Variants in BBOF1 observed in about 807,000 individuals in gnomAD.
The protein encoded by BBOF1 is basal body-orientation factor 1.
In BBOF1, 62 loss-of-function variants were observed where a neutral mutation model predicts 68.0. The observed-to-expected ratio is 0.91, with a 90% CI of 0.74 to 1.13. The LOEUF (loss-of-function observed/expected upper bound fraction) is 1.13, where lower values mean the gene tolerates loss of function less well. Ranked by LOEUF, BBOF1 falls within the 50% of genes most tolerant of loss-of-function variation. The pLI is 0.00. For synonymous variants in BBOF1, 208 were observed against 198.8 expected (o/e 1.05, Z -0.39); for missense variants, 534 against 600.1 (o/e 0.89, Z 1.15).
At chr14:74,066,683 T>A, downstream of BBOF1, 17 of 1,610,492 alleles carry the variant, frequency 1.1e-5, no homozygotes, top group Non-Finnish European at 1.4e-5. Flanking sequence ...GCTCTCATAT[T>A]TGTGAAGTGA....
In BBOF1 at chr14:74,049,847, T is replaced by G. The variant is rs762211246; in HGVS notation, c.938T>G (p.Leu313Arg). The change falls in exon 8 of 12, where the codon CTG (leucine) becomes CGG (arginine). Residue 313 changes from leucine (L) to arginine (R), a missense_variant. Leu to Arg is a moderately radical substitution (Grantham distance 102). Coordinates refer to ENST00000394009, the MANE Select transcript of BBOF1 (RefSeq NM_025057.3). ...TKEFESEVLKLQQHAMIENQA... is the reference protein window; with the variant it reads ...TKEFESEVLKRQQHAMIENQA... ...GAGTTTGAGAGTGAAGTTTTAAAAC[T>G]GCAGCAACACGCAATGATAGAGAAC... 2.0e-5 allele frequency: 32 copies of G among 1,614,136 alleles called. No individual in the cohort carries two copies. Among genetic ancestry groups the G allele is most frequent in the Non-Finnish European group, 2.3e-5 (27 of 1,180,036 alleles).
chr14:74,050,259 A>G, intron 8 of BBOF1, 64 bp downstream of exon 8: 1 of 1,493,004 alleles, frequency 6.7e-7, no homozygotes, highest in Non-Finnish European at 8.9e-7. Context: ...AGAAAGAGGA[A>G]GTCTGAAAAG....
At chr14:74,020,486 T>C (rs1455911261) in intron 1 of BBOF1, among the ~76,000 whole-genome samples, 1 of 151,726 alleles carries the variant, frequency 6.6e-6, no homozygotes, top group Non-Finnish European at 1.5e-5. Flanking sequence ...TTAGAGTGTC[T>C]AATTTCTTGC....
chr14:74,019,883 A>G (rs540705126), intron 1 of BBOF1, among the ~76,000 whole-genome samples: 1 of 152,358 alleles, frequency 6.6e-6, no homozygotes, highest in South Asian at 2.1e-4. Flanking sequence ...CTAACCCCTT[A>G]CAGGCCTGGA....
In BBOF1 at chr14:74,061,785, A is replaced by C. The variant is rs183677617; in HGVS notation, c.1579-2903A>C. Among the ~76,000 whole-genome samples, 46 of 152,284 alleles carry C rather than the reference A, an allele frequency of 3.0e-4. No homozygotes were observed. The East Asian group carries it at 4.4e-3, about 15-fold the overall frequency. ...AAATTCAGCATATTTAACTCTCTCTATATATAGATATAGTTTATAAGAGTA... is the reference window on the plus strand; with the variant it reads ...AAATTCAGCATATTTAACTCTCTCTCTATATAGATATAGTTTATAAGAGTA... On this transcript the variant is annotated intron_variant, in intron 11 of 11. Transcript: ENST00000394009.
rs2060286462 is a variant in BBOF1, at chr14:74,059,256, T to C, written c.1578+1998T>C. On this transcript the variant is annotated intron_variant, in intron 11 of 11. Transcript: ENST00000394009. ...CATTAAACAAATCACTAATTAGAAATACAGGCAAGAGAAAAGAATATATAA... is the reference window on the plus strand; with the variant it reads ...CATTAAACAAATCACTAATTAGAAACACAGGCAAGAGAAAAGAATATATAA... 2 of 361,000 alleles carry C rather than the reference T, an allele frequency of 5.5e-6. No individual in the cohort carries two copies. The highest frequency in any genetic ancestry group is 1.6e-4 in the East Asian group (2 of 12,268). 22.4% of individuals were successfully genotyped at this position (361,000 alleles called of 1,614,324 possible).
In BBOF1 at chr14:74,076,863, T is replaced by C. The variant is rs113846697; in HGVS notation, n.1380-1333T>C. ...CTGCACCCAGCCTATATATATGTTA[T>C]CAAAGTTGATTTAAGAAATACTTAA... On this transcript the variant is annotated intron_variant and non_coding_transcript_variant, in intron 9 of 12. Transcript: ENST00000492026. Among the ~76,000 whole-genome samples the C allele has an allele frequency of 1.0e-3, 158 of 152,240 alleles. 1 individual carries two copies. The highest frequency in any genetic ancestry group is 1.9e-3 in the Non-Finnish European group (132 of 68,016).
At chr14:74,029,145 T>A (rs2059505283) in intron 2 of BBOF1, 39 bp from the exon 3 acceptor site, 1 of 1,343,944 alleles carries the variant, frequency 7.4e-7, no homozygotes, top group South Asian at 1.3e-5. Context: ...ATAGAGCAGT[T>A]TCTTTATCTT....
chr14:74,031,835 C>T (rs1345601364), intron 3 of BBOF1: 1 of 152,174 alleles, frequency 6.6e-6, no homozygotes, highest in Non-Finnish European at 1.5e-5. Flanking sequence ...CAGCTCATAG[C>T]AGTCCCTTTT....
chr14:74,060,525 T>G, intron 11 of BBOF1: 2 of 824,440 alleles, frequency 2.4e-6, no homozygotes, highest in South Asian at 1.4e-5. Context: ...TGAGGAAGAT[T>G]TTAGTTACAA....
chr14:74,055,566 TCC>T lies in BBOF1; in HGVS notation c.1287-17_1287-16del, dbSNP rs1427281661. On this transcript the variant is annotated splice_polypyrimidine_tract_variant and intron_variant, in intron 8 of 11. Coordinates refer to ENST00000394009, the MANE Select transcript of BBOF1 (RefSeq NM_025057.3). ...CGTATTTTTCCTTTTCACATTTTTT[TCC>T]TTTGAAATTCTTTAGGACACATATT... is the stretch of plus-strand genomic sequence containing the variant. The T allele has an allele frequency of 1.3e-6, 2 of 1,558,340 alleles. No individual in the cohort carries two copies. Among genetic ancestry groups the T allele is most frequent in the Admixed American group, 1.7e-5 (1 of 57,234 alleles).
intron 11 of BBOF1, 97 bp from the exon 12 acceptor site, chr14:74,064,591 G>C: frequency 8.4e-7 from 1 of 1,191,068 alleles, no homozygotes. Context: ...CAAAGGCTTA[G>C]ACTTCCCCAT....
At chr14:74,060,928 A>C (rs1320534438) in intron 11 of BBOF1, among the ~76,000 whole-genome samples, 1 of 152,056 alleles carries the variant, frequency 6.6e-6, no homozygotes, top group Admixed American at 6.6e-5. Flanking sequence ...AATACCTGGC[A>C]GATAGTAAAC....
chr14:74,056,014 A>G (rs1249503072), intron 9 of BBOF1, among the ~76,000 whole-genome samples: 2 of 150,868 alleles, frequency 1.3e-5, no homozygotes, highest in Admixed American at 6.6e-5. Flanking sequence ...TTAAGATTTT[A>G]TTGGTTTGCA....
chr14:74,075,580 C>G (rs1468509), intron 9 of BBOF1, among the ~76,000 whole-genome samples: 36,428 of 151,530 alleles, frequency 0.24, 4,897 homozygotes, highest in South Asian at 0.46. Flanking sequence ...TTGCTTCAGC[C>G]CGGGAGGGTG....
chr14:74,077,180 T>C (rs4903176), intron 9 of BBOF1, among the ~76,000 whole-genome samples: 146,036 of 152,240 alleles, frequency 0.96, 70,112 homozygotes, highest in East Asian at 0.99. Context: ...CCAATACCAA[T>C]ATAGTACTCG....
At chr14:74,053,498 G>T (rs939209340) in intron 8 of BBOF1, among the ~76,000 whole-genome samples, 2 of 150,044 alleles carry the variant, frequency 1.3e-5, no homozygotes, top group African/African-American at 4.9e-5. Flanking sequence ...GCCTTGACTG[G>T]GCCCAAGCGA....
intron 5 of BBOF1, 172 bp downstream of exon 5, chr14:74,040,817 A>G (rs933471520): frequency 2.4e-5 from 13 of 547,546 alleles, no homozygotes; most frequent in African/African-American, 5.9e-5. Flanking sequence ...AGAAATCTCA[A>G]TATCTAGTCC....
downstream of BBOF1, chr14:74,071,030 C>T (rs193216655): frequency 3.7e-3 from 2,665 of 728,784 alleles, 23 homozygotes; most frequent in Middle Eastern, 0.023. Context: ...AATCAGTTAC[C>T]TTGGCGCACA....
Sources: gnomAD v4.1 joint callset for allele counts (sites outside exome capture counted in the v4.1 genomes callset) on GRCh38, gnomAD v4.1.1 for gene constraint, MANE v1.5 for transcripts, NCBI Gene and HGNC (gene_info 2026-07-23, HGNC 2026-07-21) for gene names.